The following ZNF581 variants were observed in gnomAD, a reference collection of about 807,000 sequenced individuals.
ZNF581 encodes zinc finger protein 581.
A neutral mutation model predicts 1.2 loss-of-function variants in ZNF581; 1 was observed. The ratio of observed to expected loss-of-function variants is 0.83; its 90% confidence interval spans 0.30 to 3.95. The LOEUF (loss-of-function observed/expected upper bound fraction) is 3.95. ZNF581 is among the 30% of genes most tolerant of loss of function. The pLI is 0.18. For missense variants in ZNF581, 273 were observed against 274.6 expected (o/e 0.99, Z 0.04); for synonymous variants, 105 against 109.2 (o/e 0.96, Z 0.24).
upstream of ZNF581, chr19:55,641,327 G>A: frequency 2.0e-6 from 1 of 506,430 alleles, no homozygotes; most frequent in Non-Finnish European, 2.6e-6. Context: ...AGGGGAAGTC[G>A]AGGCGCCAGG....
chr19:55,637,119 T>C (rs148898830), upstream of ZNF581, among the ~76,000 whole-genome samples: 3 of 150,744 alleles, frequency 2.0e-5, no homozygotes, highest in African/African-American at 7.3e-5. Context: ...TCTGCCTAAT[T>C]ATTATTATCA....
chr19:55,637,773 A>G (rs915792846), upstream of ZNF581, among the ~76,000 whole-genome samples: 3 of 152,294 alleles, frequency 2.0e-5, no homozygotes, highest in Admixed American at 1.3e-4. Flanking sequence ...ACCTCAGGCC[A>G]ATCACACGAT....
chr19:55,635,242 G>A (rs572924148), upstream of ZNF581: 2 of 152,478 alleles, frequency 1.3e-5, no homozygotes, highest in South Asian at 2.1e-4. Context: ...GAAGAGGAGG[G>A]CGGAAAGCCT....
At chr19:55,640,335 C>G, upstream of ZNF581, 4 of 985,150 alleles carry the variant, frequency 4.1e-6, no homozygotes, top group Non-Finnish European at 4.8e-6. Flanking sequence ...GCGCAGCCCG[C>G]GAGCCCGCAT....
Position 55,644,853 on chromosome 19 carries a change from G to C in ZNF581, c.282G>C (p.Arg94Ser). The C allele has an allele frequency of 6.2e-7, 1 of 1,613,302 alleles. No homozygotes were observed. The highest frequency in any genetic ancestry group is 8.5e-7 in the Non-Finnish European group (1 of 1,179,310). ...GCTACAGCTGCCCCGTGTGCTCAAGGGTCTTCGAGTACATGTCCTACCTTC... is the reference window on the plus strand; with the variant it reads ...GCTACAGCTGCCCCGTGTGCTCAAGCGTCTTCGAGTACATGTCCTACCTTC... ...KKCYSCPVCS[R>S]VFEYMSYLQR... Residue 94 changes from arginine to serine, a missense_variant, in exon 2 of 2, where the codon AGG becomes AGC. Transcript: ENST00000270451. The surrounding 1 kb of genome is among the most constrained non-coding windows in gnomAD (Gnocchi z 4.3).
chr19:55,640,231 C>G, upstream of ZNF581: 1 of 985,458 alleles, frequency 1.0e-6, no homozygotes, highest in Non-Finnish European at 1.2e-6. Context: ...GTGCAGCTCT[C>G]CAGTGCGGCT....
At chr19:55,636,867 C>T (rs1474422791), upstream of ZNF581, among the ~76,000 whole-genome samples, 1 of 152,102 alleles carries the variant, frequency 6.6e-6, no homozygotes, top group African/African-American at 2.4e-5. Context: ...GAGGAGCTAG[C>T]ACAAAAGCTC....
upstream of ZNF581, among the ~76,000 whole-genome samples, chr19:55,637,674 G>A (rs1982174360): frequency 6.6e-6 from 1 of 152,202 alleles, no homozygotes; most frequent in Admixed American, 6.5e-5. Flanking sequence ...TTACAGGGAA[G>A]TGTGTGGCTT....
At chr19:55,638,581 T>C (rs10419981), upstream of ZNF581, among the ~76,000 whole-genome samples, 30 of 151,988 alleles carry the variant, frequency 2.0e-4, no homozygotes, top group African/African-American at 7.0e-4. Context: ...CTCAGCGAGA[T>C]CTCACTCATT....
chr19:55,645,033 C>T lies in ZNF581; in HGVS notation c.462C>T (p.Phe154=). The T allele has an allele frequency of 6.3e-7, 1 of 1,589,314 alleles. No homozygotes were observed. The highest frequency in any genetic ancestry group is 8.6e-7 in the Non-Finnish European group (1 of 1,162,630). Residue 154 remains phenylalanine, a synonymous_variant, in exon 2 of 2, where the codon TTC becomes TTT. Transcript: ENST00000270451. ...PHGCPLCPRR[F]RDAGELAQHS... Reference sequence around the variant, plus strand: ...GCTGCCCGCTCTGCCCTCGCCGCTTCCGGGATGCGGGTGAGCTGGCCCAGC... The same window carrying T: ...GCTGCCCGCTCTGCCCTCGCCGCTTTCGGGATGCGGGTGAGCTGGCCCAGC...
chr19:55,644,967 G>A lies in ZNF581; in HGVS notation c.396G>A (p.Arg132=), dbSNP rs775081200. Reference sequence around the variant, plus strand: ...TCAAGCGCGCCAGCCACTTGGCACGGCACCATTCCATTCACCTGGCGGGTG... The same window carrying A: ...TCAAGCGCGCCAGCCACTTGGCACGACACCATTCCATTCACCTGGCGGGTG... ...KAFKRASHLA[R]HHSIHLAGGG... Residue 132 remains arginine, a synonymous_variant, in exon 2 of 2, where the codon CGG becomes CGA. Transcript: ENST00000270451. The surrounding 1 kb of genome is among the most constrained non-coding windows in gnomAD (Gnocchi z 4.3). The A allele has an allele frequency of 6.2e-7, 1 of 1,609,600 alleles. No individual in the cohort carries two copies. Among genetic ancestry groups the A allele is most frequent in the South Asian group, 1.1e-5 (1 of 91,018 alleles).
chr19:55,643,813 C>T (rs899128329), intron 1 of ZNF581, 39 bp downstream of exon 1: 3 of 137,348 alleles, frequency 2.2e-5, no homozygotes, highest in Non-Finnish European at 3.2e-5. Flanking sequence ...TGGGGGCGGG[C>T]GGCGGGAGGG....
upstream of ZNF581, chr19:55,642,816 G>A (rs1264924410): frequency 6.4e-7 from 1 of 1,572,648 alleles, no homozygotes; most frequent in Non-Finnish European, 8.6e-7. Context: ...GTCTTTGCCA[G>A]CCCTCTGCGG....
In ZNF581 at chr19:55,644,516, T is replaced by G; in HGVS notation, c.-19-37T>G. 7.4e-7 allele frequency: 1 copy of G among 1,356,718 alleles called. No individual in the cohort carries two copies. Among genetic ancestry groups the G allele is most frequent in the Non-Finnish European group, 1.0e-6 (1 of 1,003,848 alleles). 84.0% of individuals were successfully genotyped at this position (1,356,718 alleles called of 1,614,324 possible). The stretch of plus-strand genomic sequence containing the variant: ...AGCCTGTGGTGCTGAGCTGCCCTCT[T>G]CTATATAACCTTCTTATCCCATCTC... On this transcript the variant is annotated intron_variant, in intron 1 of 1. Transcript: ENST00000270451. This position sits in a 1 kb window ranked among gnomAD's most constrained non-coding sequence, Gnocchi z 4.3.
exon 1 of ZNF581, chr19:55,635,641 C>T (rs1982048085): frequency 1.0e-6 from 1 of 986,330 alleles, no homozygotes; most frequent in African/African-American, 1.7e-5. Flanking sequence ...CATGAGTAAT[C>T]AGTCACAGTG....
upstream of ZNF581, among the ~76,000 whole-genome samples, chr19:55,638,496 A>G (rs1235917533): frequency 6.6e-6 from 1 of 151,992 alleles, no homozygotes; most frequent in Non-Finnish European, 1.5e-5. Flanking sequence ...CGCCCTCCCA[A>G]AGTGTTGGGA....
At position 55,644,565 on chromosome 19, in the gene ZNF581, C is replaced by T. The variant is rs1034041055; in HGVS notation, c.-7C>T. On this transcript the variant is annotated 5_prime_UTR_variant, in exon 2 of 2. Transcript: ENST00000270451. This position sits in a 1 kb window ranked among gnomAD's most constrained non-coding sequence, Gnocchi z 4.3. Reference sequence around the variant, plus strand: ...TCCCATCCACCAGGCCTCAGCCAGCCCTCCGGATGCTGGTGCTGCCATCCC... The same window carrying T: ...TCCCATCCACCAGGCCTCAGCCAGCTCTCCGGATGCTGGTGCTGCCATCCC... 6.3e-7 allele frequency: 1 copy of T among 1,578,318 alleles called. No homozygotes were observed. The highest frequency in any genetic ancestry group is 1.3e-5 in the African/African-American group (1 of 74,176).
upstream of ZNF581, among the ~76,000 whole-genome samples, chr19:55,637,176 G>A (rs1167543760): frequency 2.6e-5 from 4 of 152,080 alleles, no homozygotes; most frequent in African/African-American, 9.7e-5. Flanking sequence ...TGTCTCAGAG[G>A]GGAAGGTTTT....
At chr19:55,643,626 C>T (rs905799052), upstream of ZNF581, 15 of 152,418 alleles carry the variant, frequency 9.8e-5, no homozygotes, top group African/African-American at 3.4e-4. Context: ...TTCCCTAGAC[C>T]CTCTTCTCTC....
Sources: allele counts gnomAD v4.1 joint callset (sites outside exome capture counted in the v4.1 genomes callset), GRCh38; gene constraint gnomAD v4.1.1; non-coding constraint Gnocchi (gnomAD v3.1); transcripts MANE v1.5; gene names NCBI Gene and HGNC (gene_info 2026-07-23, HGNC 2026-07-21).